TDRD12: variants seen among roughly 807,000 people sequenced by gnomAD.
TDRD12 encodes the protein putative ATP-dependent RNA helicase TDRD12.
A neutral mutation model predicts 133.5 loss-of-function variants in TDRD12; 158 were observed. That is an observed-to-expected ratio of 1.18 (90% confidence interval 1.04 to 1.35). The LOEUF is 1.35. Ranked by LOEUF, TDRD12 falls within the 40% of genes most tolerant of loss-of-function variation. TDRD12 has a pLI of 0.00. For synonymous variants in TDRD12, 460 were observed against 477.9 expected (o/e 0.96, Z 0.49); for missense variants, 1,443 against 1,321.3 (o/e 1.09, Z -1.43).
At chr19:32,779,264 G>T (rs866724489) in intron 11 of TDRD12, among the ~76,000 whole-genome samples, 1 of 152,196 alleles carries the variant, frequency 6.6e-6, no homozygotes, top group Non-Finnish European at 1.5e-5. Context: ...CCAGGGGCCA[G>T]GTGTCCCACT....
intron 1 of TDRD12, among the ~76,000 whole-genome samples, chr19:32,729,663 C>T (rs58775360): frequency 7.4e-4 from 110 of 148,858 alleles, no homozygotes; most frequent in East Asian, 6.5e-3. Context: ...TCAACTCACT[C>T]TAACCATCTC....
chr19:32,827,100 T>TG, intron 9 of TDRD12, 64 bp from the exon 33 acceptor site: 2 of 914,504 alleles, frequency 2.2e-6, no homozygotes, highest in South Asian at 5.7e-5. Context: ...ACCCAAATAA[T>TG]GGGGGGAAAT....
chr19:32,810,168 A>G (rs144485154), exon 23 of TDRD12: 34,123 of 1,535,342 alleles, frequency 0.022, 491 homozygotes, highest in Non-Finnish European at 0.027. Context: ...TCTTTATGCA[A>G]CTCTCAATGC....
intron 22 of TDRD12, among the ~76,000 whole-genome samples, chr19:32,808,660 C>T (rs962808496): frequency 6.6e-6 from 1 of 152,230 alleles, no homozygotes; most frequent in Non-Finnish European, 1.5e-5. Context: ...AGGACATGGA[C>T]ATACCTCTTT....
At chr19:32,819,382 A>C (rs1967301018) in intron 27 of TDRD12, among the ~76,000 whole-genome samples, 1 of 152,164 alleles carries the variant, frequency 6.6e-6, no homozygotes, top group African/African-American at 2.4e-5. Context: ...TACCTTAATA[A>C]AAATGGATAC....
At chr19:32,776,874 G>A (rs993486499) in intron 10 of TDRD12, among the ~76,000 whole-genome samples, 1 of 152,112 alleles carries the variant, frequency 6.6e-6, no homozygotes, top group Non-Finnish European at 1.5e-5. Flanking sequence ...CAGGATTGGG[G>A]TAAAGGGGTT....
At chr19:32,794,450 A>T (rs543270247) in intron 13 of TDRD12, among the ~76,000 whole-genome samples, 178 bp from the exon 14 acceptor site, 2 of 152,248 alleles carry the variant, frequency 1.3e-5, no homozygotes, top group African/African-American at 4.8e-5. Flanking sequence ...AAAAAGCAAC[A>T]GTCTTTTAAT....
chr19:32,758,943 A>C (rs941472640), intron 8 of TDRD12, among the ~76,000 whole-genome samples: 2 of 151,960 alleles, frequency 1.3e-5, no homozygotes, highest in Non-Finnish European at 2.9e-5. Flanking sequence ...CAGAAAACAA[A>C]ATAAAATAAA....
At chr19:32,772,694 T>C in intron 8 of TDRD12, 59 bp from the exon 9 acceptor site, 1 of 993,006 alleles carries the variant, frequency 1.0e-6, no homozygotes, top group Non-Finnish European at 1.5e-6. Flanking sequence ...CTTTTTATCC[T>C]ATTTTCTATT....
At chr19:32,740,055 GTGCTCTCTCT>G (rs1969368816) in intron 3 of TDRD12, among the ~76,000 whole-genome samples, 1 of 112,140 alleles carries the variant, frequency 8.9e-6, no homozygotes, top group Non-Finnish European at 1.9e-5. Context: ...GCATCTCCTG[GTGCTCTCTCT>G]GCATCTCCTG....
At chr19:32,752,284 A>C (rs760483629) in intron 6 of TDRD12, among the ~76,000 whole-genome samples, 2 of 152,066 alleles carry the variant, frequency 1.3e-5, no homozygotes, top group Non-Finnish European at 2.9e-5. Flanking sequence ...GGTTCAAGTG[A>C]TTCTTCTGCC....
chr19:32,776,280 T>G (rs1970582389), intron 10 of TDRD12, among the ~76,000 whole-genome samples: 1 of 152,184 alleles, frequency 6.6e-6, no homozygotes. Flanking sequence ...GGTGGAGATT[T>G]TCCTCACGCA....
chr19:32,766,715 A>G (rs924831677), intron 8 of TDRD12, among the ~76,000 whole-genome samples: 4 of 151,822 alleles, frequency 2.6e-5, no homozygotes, highest in East Asian at 3.9e-4. Flanking sequence ...CCTGGGTTCT[A>G]GTGATTCTCC....
chr19:32,821,092 C>T lies in TDRD12; in HGVS notation c.3443C>T (p.Ala1148Val), dbSNP rs1967369881. The stretch of plus-strand genomic sequence containing the variant: ...AGCCCCCAGCCTGAGGACACGGGTG[C>T]AGAAGGAGGGGCTGAGTCCAAGACG... The change falls in exon 28 of 28, where the codon GCA becomes GTA. Residue 1148 changes from alanine to valine, a missense_variant. Physicochemically the swap from Ala to Val is moderately conservative, Grantham distance 64. Transcript: ENST00000444215. 2.6e-6 allele frequency: 4 copies of T among 1,535,872 alleles called. No homozygotes were observed. The Middle Eastern group carries it at 5.0e-4, about 192-fold the overall frequency.
chr19:32,776,558 C>T (rs979381165), intron 10 of TDRD12, among the ~76,000 whole-genome samples: 14 of 152,240 alleles, frequency 9.2e-5, no homozygotes, highest in African/African-American at 3.1e-4. Flanking sequence ...ACAAAGTCAT[C>T]TTGAGGTCAA....
chr19:32,794,064 G>A (rs1372405858), intron 13 of TDRD12, among the ~76,000 whole-genome samples: 1 of 142,940 alleles, frequency 7.0e-6, no homozygotes, highest in Non-Finnish European at 1.5e-5. Flanking sequence ...AAAGTGCAGG[G>A]ATTACAGACA....
intron 2 of TDRD12, among the ~76,000 whole-genome samples, chr19:32,732,679 G>C (rs1969095463): frequency 6.6e-6 from 1 of 152,148 alleles, no homozygotes; most frequent in Non-Finnish European, 1.5e-5. Context: ...GTGAATTTTT[G>C]TAATGGTATA....
At chr19:32,757,625 T>C (rs952925881) in intron 8 of TDRD12, among the ~76,000 whole-genome samples, 1 of 152,220 alleles carries the variant, frequency 6.6e-6, no homozygotes, top group African/African-American at 2.4e-5. Flanking sequence ...TTCCCTCTTA[T>C]GCTGGATGTG....
At chr19:32,798,345 G>T in exon 16 of TDRD12, 1 of 1,535,772 alleles carries the variant, frequency 6.5e-7, no homozygotes, top group Non-Finnish European at 8.7e-7. Context: ...GCCTGCTGAG[G>T]CTTCTCGCCT....
Sources: gnomAD v4.1 joint callset for allele counts (sites outside exome capture counted in the v4.1 genomes callset) on GRCh38, gnomAD v4.1.1 for gene constraint, MANE v1.5 for transcripts, NCBI Gene and HGNC (gene_info 2026-07-23, HGNC 2026-07-21) for gene names.